Variants in CEP164 observed in about 807,000 individuals in gnomAD.
CEP164 encodes centrosomal protein 164.
A neutral mutation model predicts 182.7 loss-of-function variants in CEP164; 162 were observed. That is an observed-to-expected ratio of 0.89 (90% CI 0.78 to 1.01). The LOEUF is 1.01. Among genes scored for constraint, CEP164 ranks in the 50% least tolerant of loss-of-function variants. The pLI is 0.00. For synonymous variants in CEP164, 661 were observed against 690.0 expected (o/e 0.96, Z 0.66); for missense variants, 1,735 against 1,790.4 (o/e 0.97, Z 0.56).
At chr11:117,369,920 G>A (rs1316219955) in intron 8 of CEP164, among the ~76,000 whole-genome samples, 2 of 152,236 alleles carry the variant, frequency 1.3e-5, no homozygotes, top group Admixed American at 1.3e-4. Flanking sequence ...CTGCCAAGGG[G>A]AGCTTAGCAG....
chr11:117,356,072 A>G, intron 5 of CEP164: 1 of 1,097,626 alleles, frequency 9.1e-7, no homozygotes, highest in Non-Finnish European at 1.1e-6. Flanking sequence ...TGAGGTGAAC[A>G]ACTTCCCTTG....
chr11:117,380,929 C>T (rs2043248733), intron 12 of CEP164, among the ~76,000 whole-genome samples: 1 of 152,206 alleles, frequency 6.6e-6, no homozygotes, highest in African/African-American at 2.4e-5. Context: ...CATGCATGAG[C>T]AGACCCTTTG....
chr11:117,351,415 A>G (rs759380670), intron 4 of CEP164, among the ~76,000 whole-genome samples: 3 of 152,224 alleles, frequency 2.0e-5, no homozygotes, highest in Non-Finnish European at 4.4e-5. Flanking sequence ...GATTTATCCT[A>G]GCACTTACGT....
At position 117,369,068 on chromosome 11, in the gene CEP164, C is replaced by T. The variant is rs189211853; in HGVS notation, c.766-2012C>T. 2.1e-3 allele frequency among the ~76,000 whole-genome samples: 321 copies of T among 152,298 alleles called. 1 individual carries two copies. Among genetic ancestry groups the T allele is most frequent in the Admixed American group, 5.0e-3 (77 of 15,300 alleles). On this transcript the variant is annotated intron_variant, in intron 8 of 32. Transcript: ENST00000278935. ...GCCATTGGGAACATTTCACTTTTCT[C>T]AATATTAGCTCAATTCCTTGAGGGC... is the stretch of plus-strand genomic sequence containing the variant.
chr11:117,359,379 T>C (rs1230142677), intron 5 of CEP164: 1 of 982,362 alleles, frequency 1.0e-6, no homozygotes, highest in East Asian at 1.1e-4. Context: ...CACTGCTGGC[T>C]GGTGTTACGA....
At chr11:117,376,452 C>G (rs970561795) in intron 11 of CEP164, among the ~76,000 whole-genome samples, 1 of 152,228 alleles carries the variant, frequency 6.6e-6, no homozygotes, top group Non-Finnish European at 1.5e-5. Flanking sequence ...TAAGGAGCTT[C>G]AAGCCAAGAA....
At chr11:117,329,774 T>A (rs1383437445) in intron 1 of CEP164, among the ~76,000 whole-genome samples, 4 of 150,940 alleles carry the variant, frequency 2.7e-5, no homozygotes, top group Non-Finnish European at 5.9e-5. Flanking sequence ...TCTCCTGACC[T>A]CATTATCCGC....
chr11:117,388,851 C>T (rs991245902), intron 15 of CEP164, among the ~76,000 whole-genome samples: 9 of 151,852 alleles, frequency 5.9e-5, no homozygotes, highest in African/African-American at 1.7e-4. Flanking sequence ...CTGCAAGCTC[C>T]GCCTCCCAGG....
chr11:117,369,280 C>T (rs2041960846), intron 8 of CEP164, among the ~76,000 whole-genome samples: 1 of 152,216 alleles, frequency 6.6e-6, no homozygotes, highest in African/African-American at 2.4e-5. Context: ...TTATTCTTCC[C>T]AACAACGCTC....
chr11:117,324,079 T>C, upstream of CEP164: 1 of 223,270 alleles, frequency 4.5e-6, no homozygotes, highest in South Asian at 4.8e-5. Context: ...ATGTTCATCC[T>C]TACTGTAGAA....
chr11:117,321,929 C>T (rs554834572), intron 1 of CEP164, among the ~76,000 whole-genome samples: 2 of 152,168 alleles, frequency 1.3e-5, no homozygotes, highest in Non-Finnish European at 2.9e-5. Context: ...AACTCCAGGC[C>T]TCAAAGGATC....
intron 5 of CEP164, 70 bp from the exon 6 acceptor site, chr11:117,361,765 A>G: frequency 9.9e-6 from 15 of 1,520,688 alleles, no homozygotes; most frequent in Admixed American, 1.7e-5. Flanking sequence ...TTTTATTTTT[A>G]TATCTGTCTC....
chr11:117,403,420 C>T (rs1184514485), intron 27 of CEP164, among the ~76,000 whole-genome samples: 3 of 152,338 alleles, frequency 2.0e-5, no homozygotes, highest in East Asian at 1.9e-4. Context: ...TTCTGCTTCA[C>T]TTATGAAGCT....
chr11:117,392,548 C>T lies in CEP164; in HGVS notation c.2414C>T (p.Ala805Val), dbSNP rs555087707. Residue 805 changes from alanine to valine, a missense_variant, in exon 19 of 33, where the codon GCC becomes GTC. Transcript: ENST00000278935. Reference protein sequence around the residue: ...KIQEAQQKEEAQLQKCLGQVE... With the variant: ...KIQEAQQKEEVQLQKCLGQVE... ...CAGGAAGCTCAACAGAAAGAGGAGGCCCAGCTGCAGAAGTGCCTTGGGCAA... is the reference window on the plus strand; with the variant it reads ...CAGGAAGCTCAACAGAAAGAGGAGGTCCAGCTGCAGAAGTGCCTTGGGCAA... 6 of 1,614,144 alleles carry T rather than the reference C, an allele frequency of 3.7e-6. No homozygotes were observed. Among genetic ancestry groups the T allele is most frequent in the African/African-American group, 2.7e-5 (2 of 75,048 alleles).
chr11:117,358,026 T>C (rs2040498932), intron 5 of CEP164, among the ~76,000 whole-genome samples: 1 of 152,222 alleles, frequency 6.6e-6, no homozygotes, highest in Admixed American at 6.5e-5. Flanking sequence ...CAGCTATTCT[T>C]TTGTTGTTGC....
chr11:117,325,409 G>C (rs1422575219), upstream of CEP164, among the ~76,000 whole-genome samples: 3 of 151,518 alleles, frequency 2.0e-5, no homozygotes, highest in African/African-American at 7.3e-5. Flanking sequence ...TTTTGAGACA[G>C]AGCTTCGCTC....
chr11:117,336,628 A>T (rs2037165110), intron 2 of CEP164: 1 of 1,205,412 alleles, frequency 8.3e-7, no homozygotes, highest in Non-Finnish European at 1.2e-6. Flanking sequence ...TTGGGATTCC[A>T]CATGTTTAGG....
chr11:117,380,756 G>T, intron 12 of CEP164, 51 bp downstream of exon 12: 2 of 1,518,062 alleles, frequency 1.3e-6, no homozygotes, highest in South Asian at 1.2e-5. Context: ...GGGTGGTGTG[G>T]ACTTGGGCAG....
intron 27 of CEP164, among the ~76,000 whole-genome samples, chr11:117,399,937 G>A (rs1001513518): frequency 6.6e-6 from 1 of 152,124 alleles, no homozygotes; most frequent in South Asian, 2.1e-4. Context: ...TCTGTAGGTT[G>A]CCTGTTCACT....
Sources: allele counts gnomAD v4.1 joint callset (sites outside exome capture counted in the v4.1 genomes callset), GRCh38; gene constraint gnomAD v4.1.1; transcripts MANE v1.5; gene names NCBI Gene and HGNC (gene_info 2026-07-23, HGNC 2026-07-21).